TPTE: variants seen among roughly 807,000 people sequenced by gnomAD.
TPTE encodes transmembrane phosphatase with tensin homology.
A neutral mutation model predicts 84.1 loss-of-function variants in TPTE; 59 were observed. The ratio of observed to expected loss-of-function variants is 0.70; its 90% CI spans 0.57 to 0.87. The LOEUF (loss-of-function observed/expected upper bound fraction) is 0.87. TPTE is among the 40% of genes least tolerant of loss of function. The pLI is 0.00. For missense variants in TPTE, 382 were observed against 659.6 expected (o/e 0.58, Z 4.61); for synonymous variants, 130 against 223.5 (o/e 0.58, Z 3.73).
At chr21:10,580,249 T>A (rs2092748) in intron 17 of TPTE, among the ~76,000 whole-genome samples, 1 of 152,298 alleles carries the variant, frequency 6.6e-6, no homozygotes, top group East Asian at 1.9e-4. Context: ...TTTTAAAAAA[T>A]CTGTTAACCT....
chr21:10,567,647 AT>A (rs375077837), intron 10 of TPTE, 22 bp from the exon 11 acceptor site: 14 of 1,606,160 alleles, frequency 8.7e-6, no homozygotes, highest in South Asian at 6.7e-5. Context: ...GAATGAACTT[AT>A]TTTTTTTGTT....
At chr21:10,602,972 A>G (rs1246045888) in intron 22 of TPTE, among the ~76,000 whole-genome samples, 1 of 152,306 alleles carries the variant, frequency 6.6e-6, no homozygotes, top group Non-Finnish European at 1.5e-5. Flanking sequence ...TCACTGATAT[A>G]TCCACATGGT....
At chr21:10,543,014 CTTTTT>C (rs1051322060) in intron 6 of TPTE, among the ~76,000 whole-genome samples, 1,337 of 71,916 alleles carry the variant, frequency 0.019, 15 homozygotes, top group African/African-American at 0.073. Flanking sequence ...TGACTGTATT[CTTTTT>C]TTTTTTTTTT....
At chr21:10,535,447 A>C (rs1452120988) in intron 3 of TPTE, among the ~76,000 whole-genome samples, 1 of 152,306 alleles carries the variant, frequency 6.6e-6, no homozygotes, top group Non-Finnish European at 1.5e-5. Context: ...AATATCTTTG[A>C]CACTATGTCT....
chr21:10,583,979 T>G (rs535529239), intron 17 of TPTE, among the ~76,000 whole-genome samples: 29 of 152,376 alleles, frequency 1.9e-4, no homozygotes, highest in African/African-American at 6.5e-4. Context: ...GTCATCTATA[T>G]TTCCATATAA....
chr21:10,604,885 ATTG>A (rs1435044713), intron 23 of TPTE, among the ~76,000 whole-genome samples: 2 of 152,302 alleles, frequency 1.3e-5, no homozygotes, highest in African/African-American at 4.8e-5. Flanking sequence ...TTGTTATGAG[ATTG>A]TTGTTTAGCT....
chr21:10,525,612 T>C (rs1175511423), intron 2 of TPTE, among the ~76,000 whole-genome samples: 3 of 152,306 alleles, frequency 2.0e-5, no homozygotes, highest in African/African-American at 7.2e-5. Flanking sequence ...TATAAAGGTG[T>C]AGCTAACCTT....
At chr21:10,546,476 T>A (rs1459677462) in intron 7 of TPTE, among the ~76,000 whole-genome samples, 10 of 152,292 alleles carry the variant, frequency 6.6e-5, no homozygotes, top group Non-Finnish European at 1.3e-4. Flanking sequence ...TGTCTCTCAC[T>A]TTAAACCAAA....
chr21:10,538,528 TAAAA>T (rs1156352529), intron 3 of TPTE, among the ~76,000 whole-genome samples, 149 bp from the exon 4 acceptor site: 1 of 152,310 alleles, frequency 6.6e-6, no homozygotes, highest in Non-Finnish European at 1.5e-5. Flanking sequence ...CCTTTTTAAT[TAAAA>T]AATGACATTT....
chr21:10,597,214 A>T (rs893733623), intron 20 of TPTE, among the ~76,000 whole-genome samples: 2 of 152,430 alleles, frequency 1.3e-5, no homozygotes, highest in African/African-American at 4.8e-5. Context: ...TATACTGAAC[A>T]CCACTGGAAT....
At chr21:10,538,607 A>G in intron 3 of TPTE, 74 bp from the exon 4 acceptor site, 1 of 1,605,176 alleles carries the variant, frequency 6.2e-7, no homozygotes, top group African/African-American at 1.3e-5. Context: ...CAGATTAATG[A>G]AAGCTAGTTT....
chr21:10,567,326 T>C (rs2074942924), intron 10 of TPTE, among the ~76,000 whole-genome samples: 1 of 152,310 alleles, frequency 6.6e-6, no homozygotes, highest in Non-Finnish European at 1.5e-5. Flanking sequence ...AAGAGTGTAA[T>C]TGGATTGTTT....
chr21:10,588,311 A>G (rs1325227186), intron 17 of TPTE, among the ~76,000 whole-genome samples: 1 of 152,308 alleles, frequency 6.6e-6, no homozygotes, highest in Non-Finnish European at 1.5e-5. Context: ...TGGTTTGCAT[A>G]TGCTGAACCT....
At chr21:10,522,351 G>A in intron 1 of TPTE, among the ~76,000 whole-genome samples, 1 of 152,214 alleles carries the variant, frequency 6.6e-6, no homozygotes, top group Admixed American at 6.5e-5. Flanking sequence ...GGGAGCGGGG[G>A]TCCGGGGGTC....
chr21:10,527,130 TCC>T (rs1437513750), intron 2 of TPTE, among the ~76,000 whole-genome samples: 2 of 150,034 alleles, frequency 1.3e-5, no homozygotes, highest in Non-Finnish European at 2.9e-5. Context: ...TTTTTCTGTG[TCC>T]CCTCTCTCTC....
intron 14 of TPTE, among the ~76,000 whole-genome samples, chr21:10,571,077 C>T (rs1468710305): frequency 6.6e-6 from 1 of 152,312 alleles, no homozygotes; most frequent in Non-Finnish European, 1.5e-5. Context: ...CTGCCTGGTG[C>T]CCGCCCTGCT....
chr21:10,554,028 A>G (rs999587739), intron 8 of TPTE, among the ~76,000 whole-genome samples: 2 of 152,306 alleles, frequency 1.3e-5, no homozygotes, highest in Non-Finnish European at 1.5e-5. Context: ...GTCATTCTTA[A>G]ACTTTGATGC....
At chr21:10,564,353 T>C (rs1348861610) in intron 10 of TPTE, among the ~76,000 whole-genome samples, 3 of 152,280 alleles carry the variant, frequency 2.0e-5, no homozygotes, top group Non-Finnish European at 2.9e-5. Context: ...CTACTAAAAA[T>C]ACAAAAATTA....
rs1979159090 is a variant in TPTE, at chr21:10,605,398, AATTT to A, written c.1521-18_1521-15del. On this transcript the variant is annotated splice_polypyrimidine_tract_variant and intron_variant, in intron 23 of 23. Coordinates refer to ENST00000618007, the MANE Select transcript of TPTE (RefSeq NM_199261.4). ...AGTGAGCCCCAATATAAAATGTAAT[AATTT>A]TTTTCTATTCTTAGGCTTTATCTAC... 6.2e-7 allele frequency: 1 copy of A among 1,612,290 alleles called. No homozygotes were observed. The highest frequency in any genetic ancestry group is 8.5e-7 in the Non-Finnish European group (1 of 1,179,086).
Sources: allele counts gnomAD v4.1 joint callset (sites outside exome capture counted in the v4.1 genomes callset), GRCh38; gene constraint gnomAD v4.1.1; transcripts MANE v1.5; gene names NCBI Gene and HGNC (gene_info 2026-07-23, HGNC 2026-07-21).